Variants in PDE4D observed in about 807,000 individuals in gnomAD.
PDE4D encodes the protein 3',5'-cyclic-AMP phosphodiesterase 4D.
In PDE4D, 24 loss-of-function variants were observed where a neutral mutation model predicts 87.4. The ratio of observed to expected loss-of-function variants is 0.27; its 90% CI spans 0.20 to 0.39. The LOEUF is 0.39. Ranked by LOEUF, PDE4D falls within the 10% of genes least tolerant of loss-of-function variation. The pLI is 1.00. For synonymous variants in PDE4D, 384 were observed against 383.2 expected (o/e 1.00, Z -0.02); for missense variants, 714 against 1,041.0 (o/e 0.69, Z 4.32).
intron 1 of PDE4D, among the ~76,000 whole-genome samples, chr5:59,263,200 C>T (rs1241869399): frequency 6.6e-6 from 1 of 151,906 alleles, no homozygotes; most frequent in Non-Finnish European, 1.5e-5. Flanking sequence ...TTCTACTTTC[C>T]ATGCAAAGGA....
At chr5:59,062,270 A>C (rs887346780) in intron 5 of PDE4D, among the ~76,000 whole-genome samples, 9 of 152,100 alleles carry the variant, frequency 5.9e-5, no homozygotes, top group African/African-American at 2.2e-4. Flanking sequence ...GTATTAACTC[A>C]TCTATTTTCT....
intron 1 of PDE4D, among the ~76,000 whole-genome samples, chr5:59,492,134 G>T (rs1331827327): frequency 3.9e-5 from 6 of 152,112 alleles, no homozygotes; most frequent in African/African-American, 1.4e-4. Flanking sequence ...AGAGAATCTG[G>T]CTTACGGCAT....
intron 3 of PDE4D, among the ~76,000 whole-genome samples, chr5:59,933,357 A>G (rs1244257770): frequency 6.6e-6 from 1 of 152,254 alleles, no homozygotes. Flanking sequence ...ATGTCTTCAG[A>G]GTAAACATGA....
At chr5:60,209,211 G>A (rs1432943002) in intron 1 of PDE4D, among the ~76,000 whole-genome samples, 1 of 77,176 alleles carries the variant, frequency 1.3e-5, no homozygotes, top group Non-Finnish European at 2.6e-5. Flanking sequence ...TTTTTTTTTA[G>A]TGTTAATGAG....
At chr5:59,516,296 T>A (rs1811141166) in intron 1 of PDE4D, among the ~76,000 whole-genome samples, 1 of 152,170 alleles carries the variant, frequency 6.6e-6, no homozygotes. Context: ...AGGCAGTCAC[T>A]TTCTCTGGAT....
At chr5:59,579,975 AT>A (rs1823816998) in intron 1 of PDE4D, among the ~76,000 whole-genome samples, 1 of 152,218 alleles carries the variant, frequency 6.6e-6, no homozygotes, top group Non-Finnish European at 1.5e-5. Context: ...AGTATAGGTC[AT>A]TGTTCTAACA....
chr5:60,354,764 G>C (rs1268346255), intron 1 of PDE4D, among the ~76,000 whole-genome samples: 1 of 151,984 alleles, frequency 6.6e-6, no homozygotes, highest in Non-Finnish European at 1.5e-5. Context: ...CTCTGGGTTA[G>C]TTTTCATTTT....
chr5:60,410,963 C>G (rs1225462510), intron 1 of PDE4D, among the ~76,000 whole-genome samples: 1 of 152,134 alleles, frequency 6.6e-6, no homozygotes, highest in African/African-American at 2.4e-5. Context: ...GTACCATTAC[C>G]CCATTTTACG....
chr5:59,694,596 T>C (rs1751473123), intron 1 of PDE4D, among the ~76,000 whole-genome samples: 2 of 152,170 alleles, frequency 1.3e-5, no homozygotes, highest in Admixed American at 1.3e-4. Flanking sequence ...ATGTTGTAAC[T>C]GGGTGGGAGA....
In PDE4D at chr5:60,366,599, C is replaced by T. The variant is rs545562340; in HGVS notation, c.-90+121343G>A. On this transcript the variant is annotated intron_variant, in intron 1 of 16. Transcript: ENST00000502484. ...TGAACCTTAGTGGCAATCAAGGCCA[C>T]TTACTAGCCCTTTGTGTGAAAGAGA... Among the ~76,000 whole-genome samples the T allele has an allele frequency of 8.5e-5, 13 of 152,330 alleles. No homozygotes were observed. In the South Asian group the frequency reaches 2.5e-3, roughly 29 times the overall value.
At chr5:59,207,108 C>A (rs1317951209) in intron 2 of PDE4D, among the ~76,000 whole-genome samples, 1 of 151,912 alleles carries the variant, frequency 6.6e-6, no homozygotes, top group Non-Finnish European at 1.5e-5. Flanking sequence ...CACTTGAGCC[C>A]AAGAGCTCAA....
At chr5:59,014,948 G>A (rs934895836) in intron 6 of PDE4D, among the ~76,000 whole-genome samples, 1 of 152,134 alleles carries the variant, frequency 6.6e-6, no homozygotes, top group Non-Finnish European at 1.5e-5. Context: ...GAACAGAATA[G>A]AGCCCTCAGA....
chr5:59,861,803 G>A (rs1331662762), intron 1 of PDE4D, among the ~76,000 whole-genome samples: 1 of 152,176 alleles, frequency 6.6e-6, no homozygotes, highest in African/African-American at 2.4e-5. Flanking sequence ...GGAAAACTTT[G>A]TGGATATGGA....
At chr5:60,406,445 CA>C (rs1415915041) in intron 1 of PDE4D, among the ~76,000 whole-genome samples, 2 of 152,146 alleles carry the variant, frequency 1.3e-5, no homozygotes, top group African/African-American at 4.8e-5. Context: ...TTTGAGATGC[CA>C]CATCTACAAT....
intron 5 of PDE4D, among the ~76,000 whole-genome samples, chr5:59,085,307 A>G (rs1767461998): frequency 6.6e-6 from 1 of 152,156 alleles, no homozygotes; most frequent in Non-Finnish European, 1.5e-5. Context: ...ATTATAAAAT[A>G]TTACCTTCAG....
chr5:60,415,842 C>T lies in PDE4D; in HGVS notation c.-90+72100G>A, dbSNP rs575935333. ...CTGGCAGGAATCTCCACCTGCCGCCCGGTGCGGGACCCACTGGGTGAAGCC... is the reference window on the plus strand; with the variant it reads ...CTGGCAGGAATCTCCACCTGCCGCCTGGTGCGGGACCCACTGGGTGAAGCC... On this transcript the variant is annotated intron_variant, in intron 1 of 16. Transcript: ENST00000502484. 6.1e-3 allele frequency among the ~76,000 whole-genome samples: 928 copies of T among 152,364 alleles called. 6 individuals carry two copies. Among genetic ancestry groups the T allele is most frequent in the Non-Finnish European group, 7.9e-3 (540 of 68,026 alleles).
At chr5:60,002,058 A>T (rs1011627875) in intron 2 of PDE4D, among the ~76,000 whole-genome samples, 5 of 152,008 alleles carry the variant, frequency 3.3e-5, no homozygotes, top group African/African-American at 1.2e-4. Flanking sequence ...TATAAATAAT[A>T]ATCTTGGATA....
intron 6 of PDE4D, among the ~76,000 whole-genome samples, chr5:59,032,471 C>T (rs965408468): frequency 2.6e-5 from 4 of 152,052 alleles, no homozygotes; most frequent in Admixed American, 6.5e-5. Context: ...TCCAGCTACT[C>T]GGGAGGCTGA....
chr5:60,003,120 T>A (rs1406697965), intron 2 of PDE4D, among the ~76,000 whole-genome samples: 1 of 152,056 alleles, frequency 6.6e-6, no homozygotes, highest in Non-Finnish European at 1.5e-5. Flanking sequence ...ATAAACTATC[T>A]GTAAAATAAA....
Sources: gnomAD v4.1 joint callset for allele counts (sites outside exome capture counted in the v4.1 genomes callset) on GRCh38, gnomAD v4.1.1 for gene constraint, MANE v1.5 for transcripts, NCBI Gene and HGNC (gene_info 2026-07-23, HGNC 2026-07-21) for gene names.